The following CNTLN variants were observed in gnomAD, a reference collection of about 807,000 sequenced individuals.
CNTLN encodes centlein, centrosomal protein.
A neutral mutation model predicts 180.0 loss-of-function variants in CNTLN; 212 were observed. The ratio of observed to expected loss-of-function variants is 1.18; its 90% CI spans 1.05 to 1.32. CNTLN has a LOEUF of 1.32. Among genes scored for constraint, CNTLN ranks in the 40% most tolerant of loss-of-function variants. CNTLN has a pLI of 0.00. For missense variants in CNTLN, 2,095 were observed against 1,610.9 expected (o/e 1.30, Z -5.14); for synonymous variants, 722 against 563.1 (o/e 1.28, Z -3.99).
intron 8 of CNTLN, among the ~76,000 whole-genome samples, chr9:17,321,380 A>G (rs1280107424): frequency 6.6e-6 from 1 of 151,934 alleles, no homozygotes; most frequent in African/African-American, 2.4e-5. Context: ...CCATCTCTGG[A>G]CTCTGAGCTC....
chr9:17,299,363 G>A lies in CNTLN; in HGVS notation c.1146+1011G>A, dbSNP rs1264895905. 7.7e-6 allele frequency: 5 copies of A among 648,666 alleles called. No homozygotes were observed. The South Asian group carries it at 2.1e-4, about 27-fold the overall frequency. The allele number at this position is 648,666 out of a possible 1,614,324, so 40.2% of individuals were successfully genotyped here. On this transcript the variant is annotated intron_variant, in intron 7 of 25. Transcript: ENST00000380647. The stretch of plus-strand genomic sequence containing the variant: ...GTGTTATTCTCATTTAATGATAGTA[G>A]TTGAGGCAAGTGAGGCTTAGAGAGG...
chr9:17,236,287 T>C (rs1825136616), intron 4 of CNTLN, 122 bp from the exon 5 acceptor site: 5 of 759,730 alleles, frequency 6.6e-6, no homozygotes, highest in Middle Eastern at 3.9e-4. Context: ...CTATCAAATA[T>C]AGAAGAAGCT....
At chr9:17,499,534 G>T (rs564621547) in intron 25 of CNTLN, among the ~76,000 whole-genome samples, 1 of 152,244 alleles carries the variant, frequency 6.6e-6, no homozygotes, top group South Asian at 2.1e-4. Flanking sequence ...AAAGTTGTTA[G>T]TGCATTCATT....
chr9:17,365,268 C>G (rs770098705), intron 12 of CNTLN, among the ~76,000 whole-genome samples: 9 of 152,142 alleles, frequency 5.9e-5, no homozygotes, highest in African/African-American at 1.9e-4. Context: ...GTGCTCTTTT[C>G]CTCCTGTTCC....
intron 5 of CNTLN, among the ~76,000 whole-genome samples, chr9:17,256,793 T>G (rs971233269): frequency 6.6e-6 from 1 of 151,872 alleles, no homozygotes; most frequent in African/African-American, 2.4e-5. Context: ...TTTATCCAGT[T>G]TTCACTGGCC....
At chr9:17,301,116 G>A (rs1818314192) in intron 7 of CNTLN, 1 of 985,268 alleles carries the variant, frequency 1.0e-6, no homozygotes, top group African/African-American at 1.7e-5. Flanking sequence ...ATACTTTGCT[G>A]AGAAGATAAG....
At chr9:17,367,236 C>T (rs1823904767) in intron 13 of CNTLN, among the ~76,000 whole-genome samples, 1 of 152,176 alleles carries the variant, frequency 6.6e-6, no homozygotes, top group Admixed American at 6.5e-5. Flanking sequence ...CTCGGTCTTG[C>T]CCTGTCATAG....
At chr9:17,302,702 T>G (rs945423056) in intron 7 of CNTLN, among the ~76,000 whole-genome samples, 3 of 152,192 alleles carry the variant, frequency 2.0e-5, no homozygotes, top group Non-Finnish European at 4.4e-5. Flanking sequence ...TTTAAAACTT[T>G]ATGGCGATGT....
chr9:17,301,954 G>A, intron 7 of CNTLN: 3 of 933,818 alleles, frequency 3.2e-6, no homozygotes, highest in Non-Finnish European at 2.6e-6. Context: ...TATTTTAGAT[G>A]GTCATATAAT....
chr9:17,408,610 G>A (rs1329825491), intron 15 of CNTLN, among the ~76,000 whole-genome samples: 1 of 151,936 alleles, frequency 6.6e-6, no homozygotes, highest in Non-Finnish European at 1.5e-5. Flanking sequence ...GACCATCCTG[G>A]CTAACACAGT....
At chr9:17,442,394 T>A (rs1830162032) in intron 18 of CNTLN, among the ~76,000 whole-genome samples, 1 of 152,144 alleles carries the variant, frequency 6.6e-6, no homozygotes, top group South Asian at 2.1e-4. Context: ...GTGTAGAAAT[T>A]AAACAAAACT....
intron 23 of CNTLN, among the ~76,000 whole-genome samples, chr9:17,477,720 G>A (rs1168180487): frequency 6.6e-6 from 1 of 152,232 alleles, no homozygotes; most frequent in African/African-American, 2.4e-5. Flanking sequence ...TTGCCTCTTA[G>A]GGACGAGTAG....
intron 10 of CNTLN, among the ~76,000 whole-genome samples, chr9:17,339,385 A>C (rs1240695693): frequency 6.6e-6 from 1 of 152,220 alleles, no homozygotes; most frequent in Non-Finnish European, 1.5e-5. Context: ...GACTGAAAGA[A>C]GCTAACTTTT....
intron 5 of CNTLN, among the ~76,000 whole-genome samples, chr9:17,259,500 T>A (rs201166111): frequency 2.1e-4 from 32 of 149,570 alleles, no homozygotes; most frequent in Middle Eastern, 6.9e-3. Flanking sequence ...AAAATGAGTT[T>A]GGGAGGATTC....
chr9:17,466,144 G>T, intron 22 of CNTLN, 26 bp downstream of exon 22: 1 of 1,563,982 alleles, frequency 6.4e-7, no homozygotes, highest in Non-Finnish European at 8.8e-7. Context: ...GGGCATTTTA[G>T]ATTACAGATG....
At chr9:17,175,216 GCT>G (rs1022503055) in intron 2 of CNTLN, among the ~76,000 whole-genome samples, 1 of 152,028 alleles carries the variant, frequency 6.6e-6, no homozygotes, top group African/African-American at 2.4e-5. Context: ...TTTTTGCCTA[GCT>G]CTAGAGACCA....
chr9:17,267,122 T>C (rs1055303050), intron 5 of CNTLN, among the ~76,000 whole-genome samples: 1 of 152,164 alleles, frequency 6.6e-6, no homozygotes, highest in Non-Finnish European at 1.5e-5. Flanking sequence ...TGATGCAGTT[T>C]CTTCCTATCC....
intron 25 of CNTLN, among the ~76,000 whole-genome samples, chr9:17,496,524 A>G (rs1239130490): frequency 1.3e-5 from 2 of 152,178 alleles, no homozygotes; most frequent in African/African-American, 4.8e-5. Context: ...CTTATCTCTT[A>G]ATACCATCAC....
chr9:17,278,225 T>C lies in CNTLN; in HGVS notation c.983+4359T>C, dbSNP rs146321912. ...CAGTATAACTAGTCTGTAGAGAGGT[T>C]GGGCTCTTAGGCTAAGCAGAGTAGA... is the stretch of plus-strand genomic sequence containing the variant. On this transcript the variant is annotated intron_variant, in intron 6 of 25. Transcript: ENST00000380647. Among the ~76,000 whole-genome samples the C allele has an allele frequency of 3.1e-3, 470 of 152,092 alleles. 5 individuals carry two copies. The highest frequency in any genetic ancestry group is 0.011 in the African/African-American group (447 of 41,400).
Sources: allele counts gnomAD v4.1 joint callset (sites outside exome capture counted in the v4.1 genomes callset), GRCh38; gene constraint gnomAD v4.1.1; transcripts MANE v1.5; gene names NCBI Gene and HGNC (gene_info 2026-07-23, HGNC 2026-07-21).